Variants in CIMIP2A observed in about 807,000 individuals in gnomAD.
CIMIP2A encodes the protein ciliary microtubule inner protein 2A.
chr9:137,251,671 C>T, the CIMIP2A span: 1 of 1,517,354 alleles, frequency 6.6e-7, no homozygotes, highest in Non-Finnish European at 8.9e-7. Context: ...ATAGAGGGGA[C>T]AGGCTGTGGG....
chr9:137,254,854 C>T, the CIMIP2A span, among the ~76,000 whole-genome samples: 2 of 152,294 alleles, frequency 1.3e-5, no homozygotes, highest in South Asian at 2.1e-4. Flanking sequence ...CAGGCCCCGG[C>T]CCCCTGAAGG....
chr9:137,244,853 CG>C, the CIMIP2A span: 17 of 1,564,836 alleles, frequency 1.1e-5, no homozygotes, highest in Non-Finnish European at 1.5e-5. Context: ...GTTCCCTGAA[CG>C]TTGGCGACTG....
At chr9:137,248,820 A>C in the CIMIP2A span, among the ~76,000 whole-genome samples, 1 of 152,184 alleles carries the variant, frequency 6.6e-6, no homozygotes, top group Non-Finnish European at 1.5e-5. Context: ...GTGAGCTGAG[A>C]TCGCACCGCT....
the CIMIP2A span, chr9:137,252,871 C>G: frequency 3.5e-5 from 56 of 1,588,544 alleles, no homozygotes; most frequent in Non-Finnish European, 4.5e-5. Context: ...GCCCCAACAC[C>G]TACAATATCC....
chr9:137,247,143 G>A, the CIMIP2A span, among the ~76,000 whole-genome samples: 2 of 152,302 alleles, frequency 1.3e-5, no homozygotes, highest in East Asian at 1.9e-4. Context: ...AAATTAGCCA[G>A]GTGTGGTGGC....
At chr9:137,247,111 C>G in the CIMIP2A span, among the ~76,000 whole-genome samples, 1 of 152,078 alleles carries the variant, frequency 6.6e-6, no homozygotes, top group Non-Finnish European at 1.5e-5. Flanking sequence ...CATAAAGAAA[C>G]CTCGTCCCTA....
the CIMIP2A span, among the ~76,000 whole-genome samples, chr9:137,248,861 A>AT: frequency 6.6e-6 from 1 of 152,306 alleles, no homozygotes; most frequent in Non-Finnish European, 1.5e-5. Context: ...GAACCAGACC[A>AT]TTTCTCACAA....
the CIMIP2A span, chr9:137,247,793 G>A: frequency 3.5e-5 from 50 of 1,437,496 alleles, no homozygotes; most frequent in South Asian, 2.8e-4. Context: ...TCCTGTCACC[G>A]GGCAACCATT....
the CIMIP2A span, chr9:137,251,085 G>C: frequency 1.7e-6 from 1 of 586,062 alleles, no homozygotes; most frequent in Non-Finnish European, 3.1e-6. Flanking sequence ...AGGAGTCACC[G>C]GGGCAGGCTG....
the CIMIP2A span, chr9:137,244,125 C>G: frequency 6.3e-7 from 1 of 1,576,734 alleles, no homozygotes; most frequent in Admixed American, 1.7e-5. Flanking sequence ...CGTCCCTCCC[C>G]ACATTGGCCG....
chr9:137,244,799 C>G, the CIMIP2A span: 2 of 1,589,190 alleles, frequency 1.3e-6, no homozygotes, highest in Non-Finnish European at 1.7e-6. Context: ...GGCACACCCA[C>G]CTGCCCTCAG....
chr9:137,251,588 G>T, the CIMIP2A span: 1 of 1,093,628 alleles, frequency 9.1e-7, no homozygotes, highest in Non-Finnish European at 1.3e-6. Flanking sequence ...GCTGGGAGCG[G>T]CCAGGGGCTG....
At chr9:137,245,723 TG>T in the CIMIP2A span, 3 of 1,602,884 alleles carry the variant, frequency 1.9e-6, no homozygotes, top group Non-Finnish European at 1.7e-6. Context: ...TCAATGAACT[TG>T]GGTTTGGACA....
At chr9:137,245,305 G>T in the CIMIP2A span, 1 of 1,581,494 alleles carries the variant, frequency 6.3e-7, no homozygotes. Context: ...TCCCCTGGCT[G>T]CCTGGTGCTG....
chr9:137,245,147 G>T, the CIMIP2A span: 1 of 1,592,190 alleles, frequency 6.3e-7, no homozygotes, highest in Non-Finnish European at 8.5e-7. Context: ...GCCGCTGGAA[G>T]CTGCCCACAT....
chr9:137,253,523 G>A, the CIMIP2A span: 14 of 1,408,660 alleles, frequency 9.9e-6, no homozygotes, highest in African/African-American at 1.2e-4. Flanking sequence ...ACCCGGGGGC[G>A]GTCCTAGAGA....
chr9:137,244,526 CCCT>C, the CIMIP2A span: 3 of 1,521,184 alleles, frequency 2.0e-6, no homozygotes, highest in South Asian at 1.3e-5. Context: ...AGGCAGAGCC[CCCT>C]CCTCAGGCTT....
the CIMIP2A span, chr9:137,255,098 C>T: frequency 6.2e-6 from 1 of 160,398 alleles, no homozygotes; most frequent in South Asian, 2.0e-4. Context: ...GACGTCCGTT[C>T]CCGGAGCAGA....
the CIMIP2A span, among the ~76,000 whole-genome samples, chr9:137,249,741 C>T: frequency 3.9e-5 from 6 of 152,358 alleles, no homozygotes; most frequent in African/African-American, 1.4e-4. Flanking sequence ...AGGGCGGCAA[C>T]TAGCGAGGAC....
Sources: gnomAD v4.1 joint callset for allele counts (sites outside exome capture counted in the v4.1 genomes callset) on GRCh38, gnomAD v4.1.1 for gene constraint, MANE v1.5 for transcripts, NCBI Gene and HGNC (gene_info 2026-07-23, HGNC 2026-07-21) for gene names.